SLC4A7: variants seen among roughly 807,000 people sequenced by gnomAD.
The protein encoded by SLC4A7 is solute carrier family 4 member 7.
In SLC4A7, 51 loss-of-function variants were observed where a neutral mutation model predicts 137.6. The observed-to-expected ratio is 0.37, with a 90% CI of 0.30 to 0.47. The LOEUF (loss-of-function observed/expected upper bound fraction) is 0.47, where lower values mean the gene tolerates loss of function less well. Among genes scored for constraint, SLC4A7 ranks in the 20% least tolerant of loss-of-function variants. SLC4A7 has a pLI of 1.00. For synonymous variants in SLC4A7, 542 were observed against 518.6 expected (o/e 1.05, Z -0.61); for missense variants, 1,247 against 1,525.4 (o/e 0.82, Z 3.04).
intron 1 of SLC4A7, among the ~76,000 whole-genome samples, chr3:27,475,548 T>C (rs1487703661): frequency 6.6e-6 from 1 of 152,084 alleles, no homozygotes. Context: ...GAGTGTATGA[T>C]TATTTACTGA....
intron 3 of SLC4A7, among the ~76,000 whole-genome samples, chr3:27,444,165 A>G (rs184937940): frequency 6.6e-6 from 1 of 152,332 alleles, no homozygotes; most frequent in East Asian, 1.9e-4. Flanking sequence ...GAGAGCTAAA[A>G]TCTCCAACTC....
chr3:27,410,371 G>A (rs1218638812), intron 12 of SLC4A7, among the ~76,000 whole-genome samples: 4 of 152,102 alleles, frequency 2.6e-5, no homozygotes, highest in Non-Finnish European at 5.9e-5. Flanking sequence ...TCAGTAATTC[G>A]TTTTAATACT....
chr3:27,458,681 C>T (rs1348596086), intron 1 of SLC4A7, among the ~76,000 whole-genome samples: 1 of 152,160 alleles, frequency 6.6e-6, no homozygotes, highest in Non-Finnish European at 1.5e-5. Flanking sequence ...AGAACATCTG[C>T]AAACAATCAG....
Position 27,397,814 on chromosome 3 carries a change from A to AT in SLC4A7, c.2590-18dup. On this transcript the variant is annotated splice_polypyrimidine_tract_variant and intron_variant, in intron 17 of 25. Transcript: ENST00000454389. ...CGATCGCACCTATGTTAAAGGGATT[A>AT]TGTTAATATAAACACAGAAATACTA... 2 of 1,349,586 alleles carry AT rather than the reference A, an allele frequency of 1.5e-6. No homozygotes were observed. Among genetic ancestry groups the AT allele is most frequent in the South Asian group, 2.5e-5 (2 of 80,430 alleles). 83.6% of individuals were successfully genotyped at this position (1,349,586 alleles called of 1,614,324 possible). A position where few individuals can be genotyped will look rare whatever the true frequency, so the allele number is the denominator to read the frequency against.
At chr3:27,456,777 G>A in intron 1 of SLC4A7, 1 of 1,544,154 alleles carries the variant, frequency 6.5e-7, no homozygotes, top group South Asian at 1.2e-5. Context: ...TTAGGTCACT[G>A]TGCTTTGCAG....
At chr3:27,429,259 T>C (rs2056002013) in intron 7 of SLC4A7, among the ~76,000 whole-genome samples, 1 of 151,574 alleles carries the variant, frequency 6.6e-6, no homozygotes, top group African/African-American at 2.4e-5. Flanking sequence ...AGCGAGACTC[T>C]CCATCTCCAC....
At chr3:27,402,093 T>C (rs905688794) in intron 15 of SLC4A7, among the ~76,000 whole-genome samples, 1 of 152,150 alleles carries the variant, frequency 6.6e-6, no homozygotes, top group African/African-American at 2.4e-5. Context: ...CTTAGGTGGG[T>C]AGAAAAAGAA....
In SLC4A7 at chr3:27,397,762, G is replaced by A. The variant is rs900616375; in HGVS notation, c.2625C>T (p.Leu875=). ...RSTISDFAVF[L]TIVIMVTIDY... ...CAATTGTAACCATTATTACTATTGT[G>A]AGAAATACAGCAAAATCACTGATTG... Residue 875 remains leucine (L), a synonymous_variant, in exon 18 of 26, where the codon CTC becomes CTT. Transcript: ENST00000454389. The A allele has an allele frequency of 6.2e-7, 1 of 1,607,002 alleles. No homozygotes were observed. Among genetic ancestry groups the A allele is most frequent in the South Asian group, 1.1e-5 (1 of 90,122 alleles).
Position 27,461,691 on chromosome 3 carries a change from G to A in SLC4A7, c.61-9193C>T, listed in dbSNP as rs554179758. Among the ~76,000 whole-genome samples the A allele has an allele frequency of 3.9e-5, 6 of 151,992 alleles. No homozygotes were observed. The South Asian group carries it at 1.3e-3, about 32-fold the overall frequency. On this transcript the variant is annotated intron_variant, in intron 1 of 25. Transcript: ENST00000454389. ...AATATGAACCATGGCTGGGCACAGT[G>A]GCTCACGTCTGTAATCCCAATACTT...
chr3:27,418,350 G>GT, intron 11 of SLC4A7, 136 bp downstream of exon 11: 1 of 650,046 alleles, frequency 1.5e-6, no homozygotes, highest in Non-Finnish European at 2.7e-6. Context: ...CCCACAGGAG[G>GT]TAAGTATGGG....
At chr3:27,440,975 G>A (rs549762730) in intron 3 of SLC4A7, among the ~76,000 whole-genome samples, 6 of 152,210 alleles carry the variant, frequency 3.9e-5, no homozygotes, top group East Asian at 3.9e-4. Context: ...AACCCAGGAC[G>A]CAGAGGTTGC....
intron 1 of SLC4A7, among the ~76,000 whole-genome samples, chr3:27,466,626 G>A (rs9814620): frequency 0.035 from 5,253 of 152,112 alleles, 107 homozygotes; most frequent in East Asian, 0.066. Flanking sequence ...TCAGGAGTTC[G>A]AGACCAGCCT....
At chr3:27,394,866 A>G (rs2051976125) in intron 19 of SLC4A7, 88 bp downstream of exon 19, 2 of 1,537,116 alleles carry the variant, frequency 1.3e-6, no homozygotes, top group Non-Finnish European at 1.8e-6. Flanking sequence ...GCTAATTTTC[A>G]TCTTACATCT....
At chr3:27,470,680 C>T (rs1435928462) in intron 1 of SLC4A7, among the ~76,000 whole-genome samples, 6 of 150,422 alleles carry the variant, frequency 4.0e-5, no homozygotes, top group Non-Finnish European at 7.4e-5. Context: ...CGGTGGCTCA[C>T]GCCTGTAACC....
At chr3:27,447,520 T>C (rs1439899692) in intron 3 of SLC4A7, among the ~76,000 whole-genome samples, 3 of 152,122 alleles carry the variant, frequency 2.0e-5, no homozygotes, top group Non-Finnish European at 4.4e-5. Flanking sequence ...ACATAGCACA[T>C]AGCTCTCTTT....
Position 27,452,451 on chromosome 3 carries a change from A to G in SLC4A7, c.108T>C (p.Thr36=). 2 of 1,604,930 alleles carry G rather than the reference A, an allele frequency of 1.2e-6. No individual in the cohort carries two copies. The highest frequency in any genetic ancestry group is 1.7e-6 in the Non-Finnish European group (2 of 1,178,106). Residue 36 remains threonine, a synonymous_variant, in exon 2 of 26, where the codon ACT becomes ACC. Transcript: ENST00000454389. Reference sequence around the variant, plus strand: ...CTTCTTTTTCAAACTTGGTGTTCACAGTTGAGCTAGTTTTGCCAAGATCCA... The same window carrying G: ...CTTCTTTTTCAAACTTGGTGTTCACGGTTGAGCTAGTTTTGCCAAGATCCA... The part of the protein sequence containing the change: ...AVVDLGKTSS[T]VNTKFEKEEL...
intron 23 of SLC4A7, among the ~76,000 whole-genome samples, chr3:27,384,450 G>C (rs571318897): frequency 2.6e-5 from 4 of 152,242 alleles, no homozygotes; most frequent in African/African-American, 9.6e-5. Flanking sequence ...AAGTAACAAG[G>C]AGCCCCTGAT....
chr3:27,409,456 C>G lies in SLC4A7; in HGVS notation c.1841G>C (p.Ser614Thr). The change falls in exon 13 of 26, where the codon AGC becomes ACC. Residue 614 changes from serine (S) to threonine (T), a missense_variant. By Grantham distance (58) the Ser-to-Thr change is moderately conservative. Around this residue, in one of 6 missense-constraint regions of SLC4A7, gnomAD observed 499 missense variants for 664.2 expected, o/e 0.75. Transcript: ENST00000454389. ...FFLSDFKDALSLQCLASILFL... is the reference protein window; with the variant it reads ...FFLSDFKDALTLQCLASILFL... ...AAGAATCGAGGCCAGGCACTGCAGG[C>G]TTAATGCATCCTTGAAGTCACTCAA... 3 of 1,613,874 alleles carry G rather than the reference C, an allele frequency of 1.9e-6. No individual in the cohort carries two copies. The highest frequency in any genetic ancestry group is 2.5e-6 in the Non-Finnish European group (3 of 1,179,820).
intron 6 of SLC4A7, 47 bp from the exon 7 acceptor site, chr3:27,431,716 G>T: frequency 6.8e-7 from 1 of 1,467,464 alleles, no homozygotes. Flanking sequence ...CACTGCAGAA[G>T]GCAAATAGAG....
Sources: allele counts gnomAD v4.1 joint callset (sites outside exome capture counted in the v4.1 genomes callset), GRCh38; gene constraint gnomAD v4.1.1; regional missense constraint gnomAD v4.1.1; transcripts MANE v1.5; gene names NCBI Gene and HGNC (gene_info 2026-07-23, HGNC 2026-07-21).